Variants in SENP6 observed in about 807,000 individuals in gnomAD.
SENP6 encodes the protein SUMO specific peptidase 6, also known as sentrin-specific protease 6.
In SENP6, 41 loss-of-function variants were observed where a neutral mutation model predicts 134.5. The observed-to-expected ratio is 0.30, with a 90% CI of 0.24 to 0.40. The LOEUF is 0.40. SENP6 is among the 10% of genes least tolerant of loss of function. The pLI, the probability that SENP6 is intolerant of heterozygous loss-of-function variation, is 1.00. For synonymous variants in SENP6, 395 were observed against 429.8 expected, an observed-to-expected ratio of 0.92 and a Z score of 1.00; for missense variants, 1,248 against 1,312.5, an observed-to-expected ratio of 0.95 and a Z score of 0.76.
intron 11 of SENP6, among the ~76,000 whole-genome samples, chr6:75,672,286 A>C (rs552956232): frequency 6.6e-6 from 1 of 152,334 alleles, no homozygotes; most frequent in South Asian, 2.1e-4. Context: ...GGTGATTTAG[A>C]CATTTAATTA....
At chr6:75,700,123 C>T (rs547653998) in intron 18 of SENP6, among the ~76,000 whole-genome samples, 28 of 152,002 alleles carry the variant, frequency 1.8e-4, no homozygotes, top group Middle Eastern at 3.4e-3. Flanking sequence ...GTTGCCCAGA[C>T]TGGTCTCAAA....
intron 3 of SENP6, 124 bp downstream of exon 3, chr6:75,624,084 G>T: frequency 1.5e-6 from 1 of 649,412 alleles, no homozygotes; most frequent in Non-Finnish European, 2.6e-6. Context: ...AGAGGCAAAT[G>T]GTGTTCCCAG....
chr6:75,675,856 C>A lies in SENP6; in HGVS notation c.1427-4C>A, dbSNP rs777219844. ...ATTTTTCCATTTCATTTGTTTTCCT[C>A]CAGAACCAGACCATGATCCTGTAGA... On this transcript the variant is annotated splice_region_variant and splice_polypyrimidine_tract_variant and intron_variant, in intron 12 of 23. Coordinates refer to ENST00000447266, the MANE Select transcript of SENP6 (RefSeq NM_015571.4). The A allele has an allele frequency of 6.4e-7, 1 of 1,570,790 alleles. No homozygotes were observed. The highest frequency in any genetic ancestry group is 1.2e-5 in the South Asian group (1 of 83,254).
chr6:75,693,094 A>G (rs1398302018), intron 16 of SENP6, among the ~76,000 whole-genome samples: 1 of 152,114 alleles, frequency 6.6e-6, no homozygotes, highest in East Asian at 1.9e-4. Context: ...TTATTCAGTT[A>G]AGTTTTATAA....
At chr6:75,672,902 A>T (rs1772790406) in intron 11 of SENP6, among the ~76,000 whole-genome samples, 1 of 152,092 alleles carries the variant, frequency 6.6e-6, no homozygotes, top group Non-Finnish European at 1.5e-5. Context: ...ATCTCGGCTC[A>T]CTGCAAGCTC....
intron 1 of SENP6, among the ~76,000 whole-genome samples, chr6:75,618,399 T>G (rs1768013597): frequency 6.6e-6 from 1 of 152,214 alleles, no homozygotes; most frequent in South Asian, 2.1e-4. Context: ...TCAAGTTGGC[T>G]TCTGTAACCT....
At chr6:75,631,067 A>G (rs1425200925) in intron 3 of SENP6, among the ~76,000 whole-genome samples, 1 of 151,652 alleles carries the variant, frequency 6.6e-6, no homozygotes, top group Non-Finnish European at 1.5e-5. Flanking sequence ...TTTATCATTT[A>G]TAGAACTGCT....
intron 11 of SENP6, among the ~76,000 whole-genome samples, chr6:75,671,555 C>G (rs1772678141): frequency 1.3e-5 from 2 of 152,166 alleles, no homozygotes; most frequent in African/African-American, 4.8e-5. Flanking sequence ...AACCCCATCT[C>G]TACTAAAAAT....
chr6:75,630,015 T>C (rs1464710155), intron 3 of SENP6, among the ~76,000 whole-genome samples: 1 of 152,090 alleles, frequency 6.6e-6, no homozygotes, highest in Non-Finnish European at 1.5e-5. Flanking sequence ...GTATCACAAA[T>C]TCCTGGAACA....
intron 1 of SENP6, among the ~76,000 whole-genome samples, chr6:75,602,810 A>T (rs1402113760): frequency 6.6e-6 from 1 of 152,204 alleles, no homozygotes; most frequent in Non-Finnish European, 1.5e-5. Flanking sequence ...GGATTGAGCT[A>T]CGAGCCAGAG....
intron 7 of SENP6, among the ~76,000 whole-genome samples, chr6:75,656,452 T>C (rs1405536682): frequency 5.4e-5 from 8 of 149,340 alleles, no homozygotes. Flanking sequence ...ATCAGTTAGC[T>C]AGTAAAACTT....
At chr6:75,691,582 T>G (rs1407830360) in intron 16 of SENP6, among the ~76,000 whole-genome samples, 2 of 150,372 alleles carry the variant, frequency 1.3e-5, no homozygotes, top group African/African-American at 4.9e-5. Context: ...TGTGTTTTGT[T>G]TTTTGTTTTT....
chr6:75,692,752 CA>C (rs1774366330), intron 16 of SENP6, among the ~76,000 whole-genome samples: 1 of 151,854 alleles, frequency 6.6e-6, no homozygotes, highest in African/African-American at 2.4e-5. Context: ...TCCTCCCTCA[CA>C]CCTGGCCCTG....
At chr6:75,665,226 C>T (rs1172356160) in intron 9 of SENP6, among the ~76,000 whole-genome samples, 1 of 151,130 alleles carries the variant, frequency 6.6e-6, no homozygotes, top group African/African-American at 2.4e-5. Context: ...GTGGAGCTTG[C>T]AGTGAGCCAA....
In SENP6 at chr6:75,663,462, C is replaced by T. The variant is rs1771934266; in HGVS notation, c.938C>T (p.Pro313Leu). The change falls in exon 9 of 24, where the codon CCC becomes CTC. Residue 313 changes from proline to leucine, a missense_variant. This residue lies in a region of SENP6 where 733 missense variants were observed against 725.4 expected (regional missense o/e 1.01). Coordinates refer to ENST00000447266, the MANE Select transcript of SENP6 (RefSeq NM_015571.4). ...GTCATTTTACCTGGGGCAAAAATAC[C>T]CAAAATCACAAACTTGAAAGAAAGG... ...GKVILPGAKI[P>L]KITNLKERKT... is the part of the protein sequence containing the mutation. 6.2e-7 allele frequency: 1 copy of T among 1,612,708 alleles called. No individual in the cohort carries two copies. Among genetic ancestry groups the T allele is most frequent in the Non-Finnish European group, 8.5e-7 (1 of 1,179,676 alleles).
At chr6:75,608,623 T>C (rs1288899637) in intron 1 of SENP6, among the ~76,000 whole-genome samples, 1 of 152,222 alleles carries the variant, frequency 6.6e-6, no homozygotes, top group African/African-American at 2.4e-5. Context: ...AAAGTCAGAA[T>C]GCTGAGGTTC....
chr6:75,669,931 A>G (rs1157236282), intron 10 of SENP6, among the ~76,000 whole-genome samples: 3 of 103,312 alleles, frequency 2.9e-5, no homozygotes, highest in Non-Finnish European at 6.3e-5. Flanking sequence ...AAGTTTTACA[A>G]GATCAGATTT....
At chr6:75,656,652 AT>A (rs1356760517) in intron 7 of SENP6, among the ~76,000 whole-genome samples, 1 of 152,128 alleles carries the variant, frequency 6.6e-6, no homozygotes, top group Non-Finnish European at 1.5e-5. Context: ...TGAGGCTAAC[AT>A]TTTTGTGTTT....
intron 8 of SENP6, among the ~76,000 whole-genome samples, chr6:75,660,539 T>A (rs890827575): frequency 2.0e-5 from 3 of 152,214 alleles, no homozygotes; most frequent in Non-Finnish European, 4.4e-5. Flanking sequence ...GGCCTCTGTT[T>A]TTTCTGACAT....
Sources: gnomAD v4.1 joint callset for allele counts (sites outside exome capture counted in the v4.1 genomes callset) on GRCh38, gnomAD v4.1.1 for gene constraint, gnomAD v4.1.1 regional missense constraint, MANE v1.5 for transcripts, NCBI Gene and HGNC (gene_info 2026-07-23, HGNC 2026-07-21) for gene names.